DNER: variants seen among roughly 807,000 people sequenced by gnomAD.
DNER encodes delta/notch like EGF repeat containing.
DNER carries 33 observed loss-of-function variants against 78.2 expected under a neutral mutation model. That is an observed-to-expected ratio of 0.42 (90% CI 0.32 to 0.56). DNER has a LOEUF of 0.56. Among genes scored for constraint, DNER ranks in the 20% least tolerant of loss-of-function variants. The pLI, the probability that DNER is intolerant of heterozygous loss-of-function variation, is 0.11. For synonymous variants in DNER, 417 were observed against 384.8 expected (o/e 1.08, Z -0.98); for missense variants, 918 against 975.3 (o/e 0.94, Z 0.78).
chr2:229,457,944 T>C (rs902237349), intron 7 of DNER, among the ~76,000 whole-genome samples: 7 of 151,424 alleles, frequency 4.6e-5, no homozygotes, highest in Admixed American at 1.3e-4. Flanking sequence ...GAGACCAGCC[T>C]GGCCAATGTG....
chr2:229,587,892 A>G (rs1442071439), intron 3 of DNER, among the ~76,000 whole-genome samples: 2 of 152,342 alleles, frequency 1.3e-5, no homozygotes, highest in African/African-American at 4.8e-5. Context: ...GTCATTTAAA[A>G]TAGCTTGAAT....
intron 1 of DNER, among the ~76,000 whole-genome samples, chr2:229,648,230 C>T (rs867777485): frequency 3.3e-5 from 5 of 152,122 alleles, no homozygotes; most frequent in African/African-American, 9.7e-5. Context: ...AACCTAGATA[C>T]GGGACTGTAC....
At chr2:229,703,774 G>C (rs1699787176) in intron 1 of DNER, among the ~76,000 whole-genome samples, 1 of 152,106 alleles carries the variant, frequency 6.6e-6, no homozygotes, top group Non-Finnish European at 1.5e-5. Context: ...CTACTCAGGA[G>C]GCTGAGGTGG....
chr2:229,714,433 G>A lies in DNER; in HGVS notation c.-10C>T. 2.7e-6 allele frequency: 3 copies of A among 1,126,526 alleles called. No homozygotes were observed. Among genetic ancestry groups the A allele is most frequent in the Non-Finnish European group, 3.2e-6 (3 of 923,678 alleles). 69.8% of individuals were successfully genotyped at this position (1,126,526 alleles called of 1,614,324 possible). The stretch of plus-strand genomic sequence containing the variant: ...CGCGGCGGGGCTGCATGGCCGGCCG[G>A]GAGGGCGCGGGAGCCGGAGCCAGGA... On this transcript the variant is annotated 5_prime_UTR_variant, in exon 1 of 13. Transcript: ENST00000341772.
At chr2:229,398,521 CA>C in intron 10 of DNER, among the ~76,000 whole-genome samples, 1 of 152,082 alleles carries the variant, frequency 6.6e-6, no homozygotes, top group East Asian at 1.9e-4. Context: ...ACTTCAATAC[CA>C]AAACTAGACA....
chr2:229,652,222 G>C (rs996108926), intron 1 of DNER, among the ~76,000 whole-genome samples: 1 of 152,208 alleles, frequency 6.6e-6, no homozygotes, highest in Non-Finnish European at 1.5e-5. Flanking sequence ...GCTGAGTTCA[G>C]ATTCATGTTC....
At chr2:229,415,603 G>T (rs1443563103) in intron 9 of DNER, among the ~76,000 whole-genome samples, 1 of 152,090 alleles carries the variant, frequency 6.6e-6, no homozygotes. Context: ...GCATTTAAAG[G>T]CATACATCTC....
chr2:229,618,578 A>G (rs375149701), intron 1 of DNER, among the ~76,000 whole-genome samples: 180 of 152,188 alleles, frequency 1.2e-3, no homozygotes, highest in South Asian at 8.5e-3. Context: ...CGCACAGCCC[A>G]CCCCAGTGAA....
At chr2:229,369,532 G>A (rs1216104284) in intron 11 of DNER, among the ~76,000 whole-genome samples, 1 of 151,988 alleles carries the variant, frequency 6.6e-6, no homozygotes, top group Non-Finnish European at 1.5e-5. Flanking sequence ...TCCACTCCTG[G>A]ACATGTGGTG....
intron 4 of DNER, among the ~76,000 whole-genome samples, chr2:229,573,570 C>T (rs189613310): frequency 6.6e-6 from 1 of 152,242 alleles, no homozygotes; most frequent in Non-Finnish European, 1.5e-5. Context: ...ATCCTTCCTT[C>T]CATTCTCATG....
At chr2:229,449,299 C>G (rs1342484855) in intron 7 of DNER, among the ~76,000 whole-genome samples, 1 of 152,146 alleles carries the variant, frequency 6.6e-6, no homozygotes, top group Non-Finnish European at 1.5e-5. Flanking sequence ...ATGTTACCGT[C>G]ACTATTTAAC....
intron 11 of DNER, among the ~76,000 whole-genome samples, chr2:229,384,718 T>C (rs1382861844): frequency 6.6e-6 from 1 of 152,092 alleles, no homozygotes; most frequent in Non-Finnish European, 1.5e-5. Flanking sequence ...CAGAAACAAG[T>C]TGAATCCCTG....
chr2:229,358,591 G>A lies in DNER; in HGVS notation c.2163C>T (p.Tyr721=), dbSNP rs1259527031. 5.0e-6 allele frequency: 8 copies of A among 1,613,976 alleles called. No homozygotes were observed. The highest frequency in any genetic ancestry group is 1.6e-4 in the Middle Eastern group (1 of 6,062). The change falls in exon 13 of 13, where the codon TAC becomes TAT. Residue 721 remains tyrosine (Y), a synonymous_variant. Coordinates refer to ENST00000341772, the MANE Select transcript of DNER (RefSeq NM_139072.4). ...TGACCAAGGGTTTGTCATCAGGACT[G>A]TAATCTTCATAGGCGATGGGGCTCA... ...YDVSPIAYED[Y]SPDDKPLVTL... is the part of the protein sequence containing the mutation.
intron 1 of DNER, among the ~76,000 whole-genome samples, chr2:229,605,150 G>A (rs553606449): frequency 7.1e-4 from 108 of 152,208 alleles, no homozygotes; most frequent in African/African-American, 2.3e-3. Flanking sequence ...CAAAAAACAG[G>A]GCTGAAAGTG....
intron 11 of DNER, among the ~76,000 whole-genome samples, chr2:229,378,512 GGCAA>G (rs1173296619): frequency 6.6e-6 from 1 of 152,208 alleles, no homozygotes; most frequent in East Asian, 1.9e-4. Context: ...AAGGAAGACA[GGCAA>G]GCAATGTGGC....
chr2:229,678,805 G>A (rs547560058), intron 1 of DNER, among the ~76,000 whole-genome samples: 1 of 152,300 alleles, frequency 6.6e-6, no homozygotes, highest in Non-Finnish European at 1.5e-5. Flanking sequence ...CAGGGTATAA[G>A]GAAGTCATAA....
chr2:229,554,788 G>A (rs1372087807), intron 4 of DNER, among the ~76,000 whole-genome samples: 1 of 151,892 alleles, frequency 6.6e-6, no homozygotes, highest in Non-Finnish European at 1.5e-5. Context: ...ACAGGAAGGG[G>A]AGACTGCAGT....
chr2:229,713,248 T>C (rs1263627769), intron 1 of DNER, among the ~76,000 whole-genome samples: 1 of 152,256 alleles, frequency 6.6e-6, no homozygotes, highest in African/African-American at 2.4e-5. Flanking sequence ...AATTGCCTAC[T>C]GGAAATGTTG....
chr2:229,409,349 C>T (rs531869193), intron 9 of DNER, among the ~76,000 whole-genome samples: 2 of 152,168 alleles, frequency 1.3e-5, no homozygotes, highest in Non-Finnish European at 2.9e-5. Context: ...CGGCCACCAC[C>T]AAAGTTCAGA....
Sources: allele counts gnomAD v4.1 joint callset (sites outside exome capture counted in the v4.1 genomes callset), GRCh38; gene constraint gnomAD v4.1.1; transcripts MANE v1.5; gene names NCBI Gene and HGNC (gene_info 2026-07-23, HGNC 2026-07-21).